The following RAPGEF4 variants were observed in gnomAD, a reference collection of about 807,000 sequenced individuals.
RAPGEF4 encodes the protein RAP guanine-nucleotide-exchange factor (GEF) 4.
Under a neutral mutation model 147.9 loss-of-function variants are expected in RAPGEF4, and 66 were observed. That is an observed-to-expected ratio of 0.45 (90% CI 0.37 to 0.55). The LOEUF (loss-of-function observed/expected upper bound fraction) is 0.55. RAPGEF4 is among the 20% of genes least tolerant of loss of function. The probability of loss-of-function intolerance (pLI) is 0.00; values close to 1 mark genes in which losing one functional copy is unlikely to be tolerated. For synonymous variants in RAPGEF4, 419 were observed against 442.7 expected (o/e 0.95, Z 0.67); for missense variants, 1,071 against 1,257.3 (o/e 0.85, Z 2.24).
chr2:172,787,599 C>CTTTATTTATGTATTTA lies in RAPGEF4; in HGVS notation c.66-7417_66-7416insGTATTTATTTATTTAT, dbSNP rs1553509673. ...CTGTTTGGGCTGCTAAAACAAAGTGCTTTATTTATTTATTTATTTATTTAT... is the reference window on the plus strand; with the variant it reads ...CTGTTTGGGCTGCTAAAACAAAGTGCTTTATTTATGTATTTATTTATTTATTTATTTATTTATTTAT... On this transcript the variant is annotated intron_variant, in intron 1 of 30. Coordinates refer to ENST00000397081, the MANE Select transcript of RAPGEF4 (RefSeq NM_007023.4). Among the ~76,000 whole-genome samples, 8 of 145,466 alleles carry CTTTATTTATGTATTTA rather than the reference C, an allele frequency of 5.5e-5. No homozygotes were observed. The Admixed American group carries it at 5.5e-4, about 10-fold the overall frequency.
chr2:172,920,479 T>C (rs907856782), intron 5 of RAPGEF4, among the ~76,000 whole-genome samples: 1 of 152,226 alleles, frequency 6.6e-6, no homozygotes, highest in Admixed American at 6.5e-5. Flanking sequence ...TCTGGTGTTA[T>C]GTCTTAAACG....
chr2:172,943,843 A>T (rs2044517), intron 6 of RAPGEF4, among the ~76,000 whole-genome samples: 57,875 of 152,040 alleles, frequency 0.38, 11,722 homozygotes, highest in Middle Eastern at 0.48. Context: ...CTATATCTTC[A>T]TAAAGGTTCC....
intron 4 of RAPGEF4, among the ~76,000 whole-genome samples, chr2:172,901,034 C>T (rs990643457): frequency 5.3e-5 from 8 of 152,082 alleles, no homozygotes; most frequent in Non-Finnish European, 7.4e-5. Context: ...GGAGTTACAA[C>T]ATAATGATAC....
intron 1 of RAPGEF4, among the ~76,000 whole-genome samples, chr2:172,775,815 G>A (rs550178601): frequency 5.8e-4 from 89 of 152,208 alleles, no homozygotes; most frequent in African/African-American, 2.0e-3. Context: ...AGGGTTGTTG[G>A]GGGGAAAGCC....
chr2:172,954,067 C>A (rs946516359), intron 6 of RAPGEF4, among the ~76,000 whole-genome samples: 2 of 152,104 alleles, frequency 1.3e-5, no homozygotes, highest in Non-Finnish European at 2.9e-5. Context: ...CACAAGGAGA[C>A]CCTTTTTTGG....
intron 30 of RAPGEF4, among the ~76,000 whole-genome samples, chr2:173,050,703 A>G (rs958258006): frequency 7.3e-6 from 1 of 137,786 alleles, no homozygotes. Flanking sequence ...TAATGTCACC[A>G]TTTTAAAATT....
At chr2:173,010,772 A>G (rs1262355729) in intron 17 of RAPGEF4, among the ~76,000 whole-genome samples, 1 of 152,232 alleles carries the variant, frequency 6.6e-6, no homozygotes, top group Non-Finnish European at 1.5e-5. Context: ...AATCAATTGT[A>G]TACAAAGTTC....
intron 6 of RAPGEF4, among the ~76,000 whole-genome samples, chr2:172,933,249 G>T (rs146794755): frequency 1.3e-4 from 20 of 152,256 alleles, no homozygotes; most frequent in African/African-American, 4.1e-4. Flanking sequence ...TGGAGTTGCA[G>T]TGGAGGGGTG....
intron 8 of RAPGEF4, 47 bp from the exon 9 acceptor site, chr2:172,965,515 C>T (rs764730547): frequency 1.9e-6 from 3 of 1,591,080 alleles, no homozygotes; most frequent in Admixed American, 1.7e-5. Context: ...CATCCTCTAT[C>T]TGAAAAGGGG....
Position 172,735,847 on chromosome 2 carries a change from G to C in RAPGEF4, c.-137G>C. ...CCGCGGGAGCCCGCGGGGAGGGCGG[G>C]CCTGTCGCAGCCGCGCTGGTCGCCA... On this transcript the variant is annotated 5_prime_UTR_variant, in exon 1 of 31. Coordinates refer to ENST00000397081, the MANE Select transcript of RAPGEF4 (RefSeq NM_007023.4). 1.6e-6 allele frequency: 1 copy of C among 641,686 alleles called. No homozygotes were observed. The highest frequency in any genetic ancestry group is 5.0e-5 in the Admixed American group (1 of 19,996). 39.7% of individuals were successfully genotyped at this position (641,686 alleles called of 1,614,324 possible). A position where few individuals can be genotyped will look rare whatever the true frequency, so the allele number is the denominator to read the frequency against.
chr2:172,837,135 G>A (rs1691038566), intron 4 of RAPGEF4, among the ~76,000 whole-genome samples: 1 of 152,176 alleles, frequency 6.6e-6, no homozygotes, highest in Non-Finnish European at 1.5e-5. Context: ...TTGGGTGTGT[G>A]TGTGTATACA....
intron 24 of RAPGEF4, 90 bp from the exon 25 acceptor site, chr2:173,026,990 AC>A: frequency 6.0e-6 from 7 of 1,166,620 alleles, no homozygotes; most frequent in Non-Finnish European, 8.3e-6. Flanking sequence ...ACATTTGCTG[AC>A]CAGTAAAACA....
chr2:172,904,715 T>C (rs182341824), intron 4 of RAPGEF4, among the ~76,000 whole-genome samples: 43 of 152,154 alleles, frequency 2.8e-4, no homozygotes, highest in Non-Finnish European at 4.3e-4. Flanking sequence ...TAATTTTCTC[T>C]ACCCGATACA....
chr2:172,763,855 A>C (rs1696575728), intron 1 of RAPGEF4, among the ~76,000 whole-genome samples: 1 of 152,242 alleles, frequency 6.6e-6, no homozygotes, highest in African/African-American at 2.4e-5. Flanking sequence ...ACAAAATTGT[A>C]AATGTATACA....
chr2:172,814,494 T>C (rs1275190588), intron 4 of RAPGEF4, 69 bp downstream of exon 4: 3 of 1,527,706 alleles, frequency 2.0e-6, no homozygotes, highest in African/African-American at 1.4e-5. Flanking sequence ...ACATGGATAA[T>C]GGCATTACAG....
intron 4 of RAPGEF4, among the ~76,000 whole-genome samples, chr2:172,910,260 A>T (rs995373173): frequency 6.6e-6 from 1 of 152,162 alleles, no homozygotes; most frequent in Non-Finnish European, 1.5e-5. Flanking sequence ...AATCCTCTCC[A>T]ATAACCTCTA....
intron 23 of RAPGEF4, among the ~76,000 whole-genome samples, chr2:173,022,675 C>T (rs113529698): frequency 4.6e-5 from 7 of 152,264 alleles, no homozygotes; most frequent in Admixed American, 1.3e-4. Context: ...CTGTCCTTAC[C>T]GCAGTTACGC....
chr2:172,873,466 C>G (rs756598423), intron 4 of RAPGEF4, among the ~76,000 whole-genome samples: 8 of 152,184 alleles, frequency 5.3e-5, no homozygotes, highest in Non-Finnish European at 1.0e-4. Context: ...AAGAGCAACT[C>G]TAGGTCTTTC....
At chr2:173,028,804 T>A (rs1169179539) in intron 25 of RAPGEF4, among the ~76,000 whole-genome samples, 3 of 152,220 alleles carry the variant, frequency 2.0e-5, no homozygotes, top group Non-Finnish European at 4.4e-5. Context: ...TTACTTTATA[T>A]TTTTAGAGAA....
Sources: allele counts gnomAD v4.1 joint callset (sites outside exome capture counted in the v4.1 genomes callset), GRCh38; gene constraint gnomAD v4.1.1; transcripts MANE v1.5; gene names NCBI Gene and HGNC (gene_info 2026-07-23, HGNC 2026-07-21).